CSMD3: variants seen among roughly 807,000 people sequenced by gnomAD.
CSMD3 encodes the protein CUB and sushi domain-containing protein 3.
Under a neutral mutation model 435.2 loss-of-function variants are expected in CSMD3, and 177 were observed. The ratio of observed to expected loss-of-function variants is 0.41; its 90% CI spans 0.36 to 0.46. The LOEUF is 0.46. CSMD3 is among the 20% of genes least tolerant of loss of function. The pLI, the probability that CSMD3 is intolerant of heterozygous loss-of-function variation, is 0.34. For synonymous variants in CSMD3, 1,656 were observed against 1,520.5 expected (o/e 1.09, Z -2.07); for missense variants, 4,265 against 4,504.6 (o/e 0.95, Z 1.52).
chr8:113,207,095 T>C (rs1287475742), intron 3 of CSMD3, among the ~76,000 whole-genome samples: 2 of 152,286 alleles, frequency 1.3e-5, no homozygotes, highest in East Asian at 1.9e-4. Flanking sequence ...GTAAGTTCCC[T>C]ATGTGATGAT....
At chr8:112,774,090 T>C (rs1325645776) in intron 13 of CSMD3, among the ~76,000 whole-genome samples, 1 of 151,984 alleles carries the variant, frequency 6.6e-6, no homozygotes, top group East Asian at 1.9e-4. Flanking sequence ...CTTTTTTTGG[T>C]TCTTTCTCTA....
chr8:113,173,886 C>A lies in CSMD3; in HGVS notation c.545G>T (p.Gly182Val), dbSNP rs541690240. 2 of 1,613,574 alleles carry A rather than the reference C, an allele frequency of 1.2e-6. No individual in the cohort carries two copies. The highest frequency in any genetic ancestry group is 1.3e-5 in the African/African-American group (1 of 74,986). Residue 182 changes from glycine (G) to valine (V), a missense_variant, in exon 4 of 71, where the codon GGT becomes GTT. Physicochemically the swap from Gly to Val is moderately radical, Grantham distance 109 (BLOSUM62 -3). Coordinates refer to ENST00000297405, the MANE Select transcript of CSMD3 (RefSeq NM_198123.2). ...ATATAATACACCTTTGGGTGGAACACCAGGATTTCCACAAGAGCTACTCTG... is the reference window on the plus strand; with the variant it reads ...ATATAATACACCTTTGGGTGGAACAACAGGATTTCCACAAGAGCTACTCTG... Reference protein sequence around the residue: ...ELQSSSCGNPGVPPKGVLYGT... With the variant: ...ELQSSSCGNPVVPPKGVLYGT...
At chr8:112,697,972 A>G (rs1374171065) in intron 13 of CSMD3, among the ~76,000 whole-genome samples, 2 of 152,076 alleles carry the variant, frequency 1.3e-5, no homozygotes, top group Non-Finnish European at 2.9e-5. Flanking sequence ...AAAAGGTATA[A>G]AGCCTTTTTC....
At chr8:113,137,060 A>T (rs1472873486) in intron 4 of CSMD3, among the ~76,000 whole-genome samples, 1 of 151,664 alleles carries the variant, frequency 6.6e-6, no homozygotes, top group Non-Finnish European at 1.5e-5. Context: ...GCAAGACTGG[A>T]TGAGACTGAG....
chr8:112,272,478 T>C (rs1817615142), intron 59 of CSMD3, among the ~76,000 whole-genome samples: 1 of 152,150 alleles, frequency 6.6e-6, no homozygotes. Flanking sequence ...CATCAAAATT[T>C]ATTAAAAACA....
chr8:112,736,088 C>G (rs1193231482), intron 13 of CSMD3, among the ~76,000 whole-genome samples: 3 of 151,952 alleles, frequency 2.0e-5, no homozygotes, highest in Admixed American at 2.0e-4. Context: ...CACTAGCTAA[C>G]ACAATATTTG....
At chr8:112,342,288 C>T (rs1255622457) in intron 41 of CSMD3, among the ~76,000 whole-genome samples, 2 of 151,944 alleles carry the variant, frequency 1.3e-5, no homozygotes, top group Non-Finnish European at 2.9e-5. Context: ...GGTCATATTG[C>T]AATGTAATCT....
chr8:112,270,047 G>T (rs1817318279), intron 59 of CSMD3, among the ~76,000 whole-genome samples: 1 of 152,172 alleles, frequency 6.6e-6, no homozygotes, highest in Non-Finnish European at 1.5e-5. Flanking sequence ...AAAGGGAAAA[G>T]ATTTTGCTTA....
At chr8:113,006,656 T>G (rs1040650676) in intron 6 of CSMD3, among the ~76,000 whole-genome samples, 1 of 151,792 alleles carries the variant, frequency 6.6e-6, no homozygotes, top group Non-Finnish European at 1.5e-5. Flanking sequence ...TTTTTGTGCT[T>G]CTCGGGGCAA....
At chr8:112,987,366 C>T (rs2085292535) in intron 6 of CSMD3, among the ~76,000 whole-genome samples, 1 of 152,022 alleles carries the variant, frequency 6.6e-6, no homozygotes, top group African/African-American at 2.4e-5. Context: ...GATTAAGACA[C>T]TATAAACGTA....
At chr8:112,952,039 T>A (rs2083834216) in intron 8 of CSMD3, among the ~76,000 whole-genome samples, 1 of 151,654 alleles carries the variant, frequency 6.6e-6, no homozygotes, top group East Asian at 1.9e-4. Context: ...TTTAAAAATA[T>A]AAAACCTGTT....
chr8:113,316,827 G>C (rs1048782298), intron 1 of CSMD3, among the ~76,000 whole-genome samples: 1 of 152,140 alleles, frequency 6.6e-6, no homozygotes, highest in African/African-American at 2.4e-5. Context: ...TGGATTACAG[G>C]AGTGAGCCAC....
chr8:113,302,190 T>C (rs2093774146), intron 2 of CSMD3, among the ~76,000 whole-genome samples: 1 of 144,340 alleles, frequency 6.9e-6, no homozygotes, highest in Admixed American at 7.1e-5. Flanking sequence ...ATATCAATAC[T>C]TTTGAGATTT....
chr8:112,821,220 A>ATCACCACAC (rs1482587822), intron 12 of CSMD3, among the ~76,000 whole-genome samples: 1 of 152,166 alleles, frequency 6.6e-6, no homozygotes, highest in Non-Finnish European at 1.5e-5. Flanking sequence ...CCCTTAAGAA[A>ATCACCACAC]TCACCACACT....
intron 42 of CSMD3, among the ~76,000 whole-genome samples, chr8:112,340,683 CAG>C (rs1825005015): frequency 1.3e-5 from 2 of 151,918 alleles, no homozygotes; most frequent in African/African-American, 4.8e-5. Flanking sequence ...TTAATTTTAA[CAG>C]AATATACACA....
At chr8:112,370,062 AG>A (rs1828218341) in intron 38 of CSMD3, among the ~76,000 whole-genome samples, 1 of 149,742 alleles carries the variant, frequency 6.7e-6, no homozygotes, top group Non-Finnish European at 1.5e-5. Context: ...AAGAAGAAGA[AG>A]AAGAAGAAGA....
At chr8:112,974,694 C>T (rs2084781526) in intron 7 of CSMD3, among the ~76,000 whole-genome samples, 1 of 151,488 alleles carries the variant, frequency 6.6e-6, no homozygotes, top group Non-Finnish European at 1.5e-5. Context: ...TTAGAATGTG[C>T]CTCATTAAAG....
At chr8:112,758,978 AAAT>A (rs1186056230) in intron 13 of CSMD3, among the ~76,000 whole-genome samples, 1 of 152,190 alleles carries the variant, frequency 6.6e-6, no homozygotes, top group African/African-American at 2.4e-5. Context: ...TTATTACACA[AAAT>A]AATAATTCAA....
intron 1 of CSMD3, among the ~76,000 whole-genome samples, chr8:113,395,752 C>CG (rs1257906537): frequency 6.6e-6 from 1 of 152,138 alleles, no homozygotes; most frequent in Non-Finnish European, 1.5e-5. Context: ...TCTCTAATTA[C>CG]AGAGCCTTCT....
Sources: allele counts gnomAD v4.1 joint callset (sites outside exome capture counted in the v4.1 genomes callset), GRCh38; gene constraint gnomAD v4.1.1; transcripts MANE v1.5; gene names NCBI Gene and HGNC (gene_info 2026-07-23, HGNC 2026-07-21).